Variants in MAST4 observed in about 807,000 individuals in gnomAD.
The protein encoded by MAST4 is microtubule associated serine/threonine kinase family member 4, also known as microtubule-associated serine/threonine-protein kinase 4.
MAST4 carries 89 observed loss-of-function variants against 162.7 expected under a neutral mutation model. That is an observed-to-expected ratio of 0.55 (90% confidence interval 0.46 to 0.65). The LOEUF is 0.65. MAST4 is among the 30% of genes least tolerant of loss of function. The pLI is 0.00. For missense variants in MAST4, 3,153 were observed against 3,374.0 expected (o/e 0.93, Z 1.62); for synonymous variants, 1,479 against 1,361.1 (o/e 1.09, Z -1.91).
intron 4 of MAST4, among the ~76,000 whole-genome samples, chr5:66,967,811 G>T (rs912058677): frequency 6.6e-6 from 1 of 151,814 alleles, no homozygotes; most frequent in African/African-American, 2.4e-5. Context: ...TTAGTTACCA[G>T]TGTGACAGAG....
chr5:66,664,387 A>G (rs181910749), intron 1 of MAST4, among the ~76,000 whole-genome samples: 4 of 145,886 alleles, frequency 2.7e-5, no homozygotes, highest in African/African-American at 7.7e-5. Context: ...GTGAGCTGAG[A>G]TGGCACCATT....
chr5:66,633,940 A>G (rs1159503977), intron 1 of MAST4, among the ~76,000 whole-genome samples: 4 of 152,160 alleles, frequency 2.6e-5, no homozygotes, highest in African/African-American at 9.7e-5. Flanking sequence ...ACCCTTATTT[A>G]CCATGAGGAT....
At chr5:67,082,858 G>A (rs1291836491) in intron 5 of MAST4, among the ~76,000 whole-genome samples, 1 of 152,132 alleles carries the variant, frequency 6.6e-6, no homozygotes, top group African/African-American at 2.4e-5. Flanking sequence ...TGAGTAAAGA[G>A]AGCAGAAGCT....
intron 5 of MAST4, among the ~76,000 whole-genome samples, chr5:67,059,825 A>G (rs1465761623): frequency 6.6e-6 from 1 of 152,106 alleles, no homozygotes; most frequent in Non-Finnish European, 1.5e-5. Context: ...TTAGGTTACA[A>G]AGAGACTTCA....
intron 3 of MAST4, among the ~76,000 whole-genome samples, chr5:66,873,137 G>C (rs867599566): frequency 2.2e-4 from 33 of 152,104 alleles, no homozygotes; most frequent in African/African-American, 7.7e-4. Flanking sequence ...TTAATGTGCC[G>C]TGTGAATTGG....
intron 4 of MAST4, among the ~76,000 whole-genome samples, chr5:66,979,376 T>C (rs1401265937): frequency 6.6e-6 from 1 of 151,806 alleles, no homozygotes; most frequent in Non-Finnish European, 1.5e-5. Flanking sequence ...AGGTCTGGAC[T>C]AAGAAAAAAA....
intron 3 of MAST4, among the ~76,000 whole-genome samples, chr5:66,893,954 C>G (rs1158417325): frequency 6.6e-6 from 1 of 152,186 alleles, no homozygotes; most frequent in Non-Finnish European, 1.5e-5. Flanking sequence ...AGAAAAATGG[C>G]ACCCAAAGCG....
At chr5:66,646,016 C>G (rs13179408) in intron 1 of MAST4, among the ~76,000 whole-genome samples, 38,871 of 152,038 alleles carry the variant, frequency 0.26, 5,134 homozygotes, top group East Asian at 0.3. Flanking sequence ...TGATTTTACT[C>G]TAACAGGTTG....
intron 1 of MAST4, among the ~76,000 whole-genome samples, chr5:66,716,578 C>T (rs1561282509): frequency 6.7e-6 from 1 of 148,888 alleles, no homozygotes; most frequent in Non-Finnish European, 1.5e-5. Context: ...CCAGGCTGGT[C>T]TTGAACTCCT....
intron 4 of MAST4, among the ~76,000 whole-genome samples, chr5:66,936,752 T>C (rs1742791690): frequency 6.6e-6 from 1 of 152,224 alleles, no homozygotes; most frequent in Admixed American, 6.5e-5. Context: ...AATGAAGTAA[T>C]ATTTGTAAAT....
intron 4 of MAST4, among the ~76,000 whole-genome samples, chr5:67,017,958 T>C (rs1753519961): frequency 1.3e-5 from 2 of 152,218 alleles, no homozygotes; most frequent in South Asian, 4.1e-4. Flanking sequence ...TGCTAATATA[T>C]GATTAGAATA....
At chr5:66,613,158 T>G (rs753551347) in intron 1 of MAST4, among the ~76,000 whole-genome samples, 1 of 152,198 alleles carries the variant, frequency 6.6e-6, no homozygotes, top group African/African-American at 2.4e-5. Flanking sequence ...TCAAGCAATC[T>G]TCTTGCCTTG....
rs760707600 is a variant in MAST4, at chr5:67,165,625, G to A, written c.6446G>A (p.Arg2149Lys). The A allele has an allele frequency of 3.7e-6, 6 of 1,612,724 alleles. No homozygotes were observed. Among genetic ancestry groups the A allele is most frequent in the Non-Finnish European group, 4.2e-6 (5 of 1,179,428 alleles). ...AAAGACCTGTCCAGCCCGGCTGCCA[G>A]GCAGCATTGCAGTTCCCCAAGCCAC... ...TAKDLSSPAA[R>K]QHCSSPSHAS... is the part of the protein sequence containing the mutation. Residue 2149 changes from arginine (R) to lysine (K), a missense_variant, in exon 29 of 29, where the codon AGG (arginine) becomes AAG (lysine). By Grantham distance (26) the Arg-to-Lys change is conservative. Coordinates refer to ENST00000403625, the MANE Select transcript of MAST4 (RefSeq NM_001164664.2).
chr5:66,934,655 T>C (rs1331992603), intron 4 of MAST4, among the ~76,000 whole-genome samples: 1 of 152,192 alleles, frequency 6.6e-6, no homozygotes, highest in East Asian at 1.9e-4. Context: ...CAGATTACTT[T>C]TAGTGGATTA....
intron 5 of MAST4, among the ~76,000 whole-genome samples, chr5:67,088,890 A>C (rs1365295305): frequency 2.6e-5 from 4 of 152,194 alleles, no homozygotes; most frequent in Non-Finnish European, 5.9e-5. Context: ...TAATTGAGAA[A>C]TTTCGGTAGA....
intron 4 of MAST4, among the ~76,000 whole-genome samples, chr5:66,928,112 A>G (rs1316590531): frequency 1.3e-5 from 2 of 152,176 alleles, no homozygotes; most frequent in African/African-American, 4.8e-5. Context: ...CTATTTCCAA[A>G]TAAGGTCAAA....
intron 3 of MAST4, among the ~76,000 whole-genome samples, chr5:66,819,274 A>C (rs1016950060): frequency 6.6e-6 from 1 of 152,160 alleles, no homozygotes; most frequent in Non-Finnish European, 1.5e-5. Flanking sequence ...AAACTTAGCT[A>C]TTTAAAAAAA....
At chr5:66,994,365 A>T (rs981001945) in intron 4 of MAST4, among the ~76,000 whole-genome samples, 2 of 152,162 alleles carry the variant, frequency 1.3e-5, no homozygotes, top group Non-Finnish European at 2.9e-5. Flanking sequence ...TGCTGTTTAC[A>T]TGTCCTCTGG....
chr5:66,687,669 TA>T (rs1561262829), intron 1 of MAST4, among the ~76,000 whole-genome samples: 1 of 149,504 alleles, frequency 6.7e-6, no homozygotes, highest in Non-Finnish European at 1.5e-5. Flanking sequence ...TCTATCTATC[TA>T]TCTATCTATA....
Sources: gnomAD v4.1 joint callset for allele counts (sites outside exome capture counted in the v4.1 genomes callset) on GRCh38, gnomAD v4.1.1 for gene constraint, MANE v1.5 for transcripts, NCBI Gene and HGNC (gene_info 2026-07-23, HGNC 2026-07-21) for gene names.